The following POLR3B variants were observed in gnomAD, a reference collection of about 807,000 sequenced individuals.
POLR3B encodes the protein DNA-directed RNA polymerase III subunit RPC2.
Under a neutral mutation model 147.4 loss-of-function variants are expected in POLR3B, and 96 were observed. The observed-to-expected ratio is 0.65, with a 90% CI of 0.55 to 0.77. POLR3B has a LOEUF of 0.77. Ranked by LOEUF, POLR3B falls within the 30% of genes least tolerant of loss-of-function variation. The pLI is 0.00. For missense variants in POLR3B, 1,036 were observed against 1,413.5 expected (o/e 0.73, Z 4.28); for synonymous variants, 461 against 485.9 (o/e 0.95, Z 0.67).
At chr12:106,413,312 A>T (rs1223260847) in intron 12 of POLR3B, among the ~76,000 whole-genome samples, 1 of 152,184 alleles carries the variant, frequency 6.6e-6, no homozygotes, top group Non-Finnish European at 1.5e-5. Context: ...GTACAATTCT[A>T]GATTGATATT....
chr12:106,487,058 C>T (rs2900500), intron 23 of POLR3B, among the ~76,000 whole-genome samples: 37,917 of 152,178 alleles, frequency 0.25, 5,263 homozygotes, highest in African/African-American at 0.37. Flanking sequence ...CACACAATAA[C>T]CCAGCGCTTA....
chr12:106,391,939 A>C (rs1244410427), intron 9 of POLR3B, among the ~76,000 whole-genome samples: 1 of 152,170 alleles, frequency 6.6e-6, no homozygotes, highest in Non-Finnish European at 1.5e-5. Flanking sequence ...TTTAATGCAA[A>C]CATAACTTTT....
chr12:106,468,357 C>CT (rs924849411), intron 23 of POLR3B, among the ~76,000 whole-genome samples: 1 of 151,904 alleles, frequency 6.6e-6, no homozygotes, highest in African/African-American at 2.4e-5. Context: ...TCGTATTAGT[C>CT]TTCCTAGTGG....
At chr12:106,493,259 C>A (rs1183283971) in intron 23 of POLR3B, among the ~76,000 whole-genome samples, 1 of 152,164 alleles carries the variant, frequency 6.6e-6, no homozygotes, top group East Asian at 1.9e-4. Flanking sequence ...ATGACCATAA[C>A]TTTTAAGACT....
rs776160744 is a variant in POLR3B, at chr12:106,357,861, T to C, written c.-19T>C. Reference sequence around the variant, plus strand: ...CGGGCGCGGAGGTTCTATCTGTTTCTTCCTCCTTCGTGAGCAGCATGGACG... The same window carrying C: ...CGGGCGCGGAGGTTCTATCTGTTTCCTCCTCCTTCGTGAGCAGCATGGACG... On this transcript the variant is annotated 5_prime_UTR_variant, in exon 1 of 28. Transcript: ENST00000228347. The C allele has an allele frequency of 2.7e-5, 43 of 1,612,114 alleles. No homozygotes were observed. Among genetic ancestry groups the C allele is most frequent in the Non-Finnish European group, 3.6e-5 (43 of 1,179,200 alleles).
At chr12:106,419,692 T>C (rs1189205395) in intron 12 of POLR3B, among the ~76,000 whole-genome samples, 1 of 151,642 alleles carries the variant, frequency 6.6e-6, no homozygotes, top group African/African-American at 2.4e-5. Context: ...AAAAAACTAA[T>C]AGAATTAATT....
intron 23 of POLR3B, among the ~76,000 whole-genome samples, chr12:106,486,059 G>A (rs376537069): frequency 4.5e-4 from 69 of 152,142 alleles, no homozygotes; most frequent in African/African-American, 1.5e-3. Flanking sequence ...GGAGGCCGAG[G>A]CGGGCAGATC....
At chr12:106,420,456 T>C (rs1403529316) in intron 12 of POLR3B, among the ~76,000 whole-genome samples, 3 of 152,198 alleles carry the variant, frequency 2.0e-5, no homozygotes, top group Non-Finnish European at 4.4e-5. Context: ...GCTTGGACCC[T>C]TTTTATTAAC....
chr12:106,443,470 ATCTAGTG>A (rs1401496092), intron 18 of POLR3B, among the ~76,000 whole-genome samples: 1 of 152,164 alleles, frequency 6.6e-6, no homozygotes, highest in Non-Finnish European at 1.5e-5. Flanking sequence ...AGCCACAGTT[ATCTAGTG>A]TCTAGTGGCT....
Position 106,504,504 on chromosome 12 carries a change from A to G in POLR3B, c.3272+250A>G, listed in dbSNP as rs2038655316. Among the ~76,000 whole-genome samples, 1 of 152,106 alleles carries G rather than the reference A, an allele frequency of 6.6e-6. No individual in the cohort carries two copies. The highest frequency in any genetic ancestry group is 2.1e-4 in the South Asian group (1 of 4,822). The stretch of plus-strand genomic sequence containing the variant: ...GAGTACAAACTTTACCTCCTTTTAA[A>G]TATTCTCTCAGGTACTTTTTATAAC... On this transcript the variant is annotated intron_variant, in intron 27 of 27. Coordinates refer to ENST00000228347, the MANE Select transcript of POLR3B (RefSeq NM_018082.6). This position sits in a 1 kb window ranked among gnomAD's most constrained non-coding sequence, Gnocchi z 4.6.
intron 9 of POLR3B, among the ~76,000 whole-genome samples, chr12:106,390,872 T>C (rs866751992): frequency 2.0e-5 from 3 of 152,178 alleles, no homozygotes; most frequent in Non-Finnish European, 4.4e-5. Flanking sequence ...GAGTCTTTCA[T>C]GTGCCAGGAT....
intron 9 of POLR3B, among the ~76,000 whole-genome samples, chr12:106,384,323 A>G (rs1455816010): frequency 1.3e-5 from 2 of 152,244 alleles, no homozygotes; most frequent in African/African-American, 4.8e-5. Flanking sequence ...ATTAGTTATC[A>G]AGCAAAATAA....
chr12:106,456,289 A>G (rs1159897335), intron 20 of POLR3B, among the ~76,000 whole-genome samples: 3 of 152,008 alleles, frequency 2.0e-5, no homozygotes, highest in African/African-American at 7.2e-5. Flanking sequence ...TGCCCCACCC[A>G]AAGGTTTTTC....
chr12:106,486,659 C>A (rs2038344903), intron 23 of POLR3B, among the ~76,000 whole-genome samples: 1 of 152,142 alleles, frequency 6.6e-6, no homozygotes, highest in South Asian at 2.1e-4. Flanking sequence ...ATAAATACTA[C>A]CCTCATACAG....
intron 6 of POLR3B, among the ~76,000 whole-genome samples, chr12:106,374,308 C>G (rs914912141): frequency 6.6e-6 from 1 of 152,122 alleles, no homozygotes; most frequent in Non-Finnish European, 1.5e-5. Flanking sequence ...CCTCAACCTC[C>G]TGGGCTCAGG....
chr12:106,404,430 T>G (rs1266989101), intron 10 of POLR3B, among the ~76,000 whole-genome samples: 1 of 152,156 alleles, frequency 6.6e-6, no homozygotes, highest in Non-Finnish European at 1.5e-5. Context: ...CCTCATAATA[T>G]CTGGTGTTGT....
rs78976414 is a variant in POLR3B, at chr12:106,504,711, G to A, written c.3272+457G>A. Among the ~76,000 whole-genome samples, 1,039 of 152,306 alleles carry A rather than the reference G, an allele frequency of 6.8e-3. 18 individuals are homozygous for A. The highest frequency in any genetic ancestry group is 0.024 in the African/African-American group (1,000 of 41,568). On this transcript the variant is annotated intron_variant, in intron 27 of 27. Transcript: ENST00000228347. This position sits in a 1 kb window ranked among gnomAD's most constrained non-coding sequence, Gnocchi z 4.6. ...TGACAGAGCCAAGAGCCAAGACCAAGACGACCTGGTACCCTGCCCCCTTGT... is the reference window on the plus strand; with the variant it reads ...TGACAGAGCCAAGAGCCAAGACCAAAACGACCTGGTACCCTGCCCCCTTGT...
At chr12:106,488,919 G>C (rs1191914487) in intron 23 of POLR3B, among the ~76,000 whole-genome samples, 2 of 152,030 alleles carry the variant, frequency 1.3e-5, no homozygotes, top group African/African-American at 4.8e-5. Flanking sequence ...CAGTGTTCAG[G>C]CAAACCAAAT....
intron 10 of POLR3B, among the ~76,000 whole-genome samples, chr12:106,396,471 T>C (rs2036981210): frequency 6.6e-6 from 1 of 152,208 alleles, no homozygotes; most frequent in Admixed American, 6.5e-5. Flanking sequence ...TTCCAAACAC[T>C]GTACTAATCA....
Sources: gnomAD v4.1 joint callset for allele counts (sites outside exome capture counted in the v4.1 genomes callset) on GRCh38, gnomAD v4.1.1 for gene constraint, Gnocchi (gnomAD v3.1) non-coding constraint, MANE v1.5 for transcripts, NCBI Gene and HGNC (gene_info 2026-07-23, HGNC 2026-07-21) for gene names.